The following TTC28 variants were observed in gnomAD, a reference collection of about 807,000 sequenced individuals.
TTC28 encodes tetratricopeptide repeat domain 28, also known as tetratricopeptide repeat protein 28.
TTC28 carries 61 observed loss-of-function variants against 198.0 expected under a neutral mutation model. The observed-to-expected ratio is 0.31, with a 90% CI of 0.25 to 0.38. The LOEUF is 0.38. Among genes scored for constraint, TTC28 ranks in the 10% least tolerant of loss-of-function variants. The probability of loss-of-function intolerance (pLI) is 1.00; values close to 1 mark genes in which losing one functional copy is unlikely to be tolerated. For missense variants in TTC28, 2,678 were observed against 3,164.0 expected (o/e 0.85, Z 3.69); for synonymous variants, 1,171 against 1,297.8 (o/e 0.90, Z 2.10).
intron 2 of TTC28, among the ~76,000 whole-genome samples, chr22:28,342,631 G>A (rs753636326): frequency 2.6e-5 from 4 of 152,098 alleles, no homozygotes; most frequent in Non-Finnish European, 5.9e-5. Flanking sequence ...ACAAAAAACG[G>A]TGGTATATGA....
intron 12 of TTC28, among the ~76,000 whole-genome samples, chr22:28,084,642 C>T (rs913672597): frequency 1.1e-4 from 17 of 152,216 alleles, no homozygotes; most frequent in East Asian, 5.8e-4. Context: ...TCACCAGCAA[C>T]GGAACAAAGC....
intron 18 of TTC28, chr22:27,992,864 G>T: frequency 1.6e-6 from 1 of 614,468 alleles, no homozygotes; most frequent in Non-Finnish European, 2.8e-6. Context: ...AGTGGGTTGA[G>T]TCCTGACCCT....
chr22:28,028,843 A>G lies in TTC28; in HGVS notation c.4073+1383T>C, dbSNP rs561765483. On this transcript the variant is annotated intron_variant, in intron 13 of 22. Coordinates refer to ENST00000397906, the MANE Select transcript of TTC28 (RefSeq NM_001145418.2). ...TTTATACATTGGCTCCTTTATTCCC[A>G]CATTACAGGAACCCTGCAGGGTAAG... 17 of 365,078 alleles carry G rather than the reference A, an allele frequency of 4.7e-5. 1 individual carries two copies. The highest frequency in any genetic ancestry group is 3.5e-4 in the South Asian group (17 of 48,784). The allele number at this position is 365,078 out of a possible 1,614,324, so 22.6% of individuals were successfully genotyped here. A position where few individuals can be genotyped will look rare whatever the true frequency, so the allele number is the denominator to read the frequency against.
intron 2 of TTC28, among the ~76,000 whole-genome samples, chr22:28,311,109 T>C (rs2045248875): frequency 6.6e-6 from 1 of 152,040 alleles, no homozygotes. Flanking sequence ...ATATTTCAAA[T>C]TTGGAATTTG....
At chr22:28,010,105 G>C (rs1263913857) in intron 14 of TTC28, among the ~76,000 whole-genome samples, 1 of 152,200 alleles carries the variant, frequency 6.6e-6, no homozygotes, top group Non-Finnish European at 1.5e-5. Flanking sequence ...ACTGCAGCCT[G>C]TGGGCGGGTT....
At chr22:28,616,875 G>A (rs1435040257) in intron 2 of TTC28, among the ~76,000 whole-genome samples, 2 of 151,928 alleles carry the variant, frequency 1.3e-5, no homozygotes, top group African/African-American at 2.4e-5. Flanking sequence ...GTCATCAGGT[G>A]TAATCAGTGA....
chr22:28,071,378 T>C (rs1036547982), intron 12 of TTC28, among the ~76,000 whole-genome samples: 24 of 151,290 alleles, frequency 1.6e-4, no homozygotes, highest in African/African-American at 5.1e-4. Flanking sequence ...GTGGCACATA[T>C]ACACCATGGA....
chr22:28,079,511 C>T (rs1219896668), intron 12 of TTC28, among the ~76,000 whole-genome samples: 2 of 152,032 alleles, frequency 1.3e-5, no homozygotes, highest in Non-Finnish European at 2.9e-5. Context: ...CTCCCTTTTA[C>T]CCCTCCTACC....
Position 28,108,295 on chromosome 22 carries a change from T to C in TTC28, c.1550A>G (p.Tyr517Cys), listed in dbSNP as rs1210966837. The change falls in exon 7 of 23, where the codon TAT (tyrosine) becomes TGT (cysteine). Residue 517 changes from tyrosine (Y) to cysteine (C), a missense_variant. Around this residue, in one of 8 missense-constraint regions of TTC28, gnomAD observed 775 missense variants for 845.9 expected, o/e 0.92. Transcript: ENST00000397906. ...LSDYAAQGRAYGNMGNAYNAL... is the reference protein window; with the variant it reads ...LSDYAAQGRACGNMGNAYNAL... ...ATTGTAGGCATTGCCCATATTCCCA[T>C]AGGCACGGCCCTGGGCAGCATAATC... 7 of 1,545,134 alleles carry C rather than the reference T, an allele frequency of 4.5e-6. No homozygotes were observed. Among genetic ancestry groups the C allele is most frequent in the South Asian group, 2.4e-5 (2 of 83,606 alleles).
chr22:28,248,175 T>C (rs1930245687), intron 5 of TTC28, among the ~76,000 whole-genome samples: 2 of 152,182 alleles, frequency 1.3e-5, no homozygotes, highest in Admixed American at 1.3e-4. Flanking sequence ...GAAGTGTCCC[T>C]AATGGAAACA....
chr22:28,543,925 TAAAC>T (rs2145939866), intron 2 of TTC28, among the ~76,000 whole-genome samples: 1 of 152,288 alleles, frequency 6.6e-6, no homozygotes, highest in South Asian at 2.1e-4. Context: ...TCTCGAATGT[TAAAC>T]AAACCTTGTG....
At chr22:28,662,538 TGTAAA>T (rs2051765216) in intron 1 of TTC28, among the ~76,000 whole-genome samples, 2 of 152,206 alleles carry the variant, frequency 1.3e-5, no homozygotes, top group African/African-American at 4.8e-5. Context: ...AGTTAATATA[TGTAAA>T]GTATTTAAAC....
At chr22:28,621,921 C>T (rs1206023543) in intron 2 of TTC28, among the ~76,000 whole-genome samples, 1 of 152,068 alleles carries the variant, frequency 6.6e-6, no homozygotes, top group Non-Finnish European at 1.5e-5. Context: ...TCAAGAGAAT[C>T]ATTAAATCAC....
intron 2 of TTC28, among the ~76,000 whole-genome samples, chr22:28,440,145 C>T (rs1258767559): frequency 1.3e-5 from 2 of 152,140 alleles, no homozygotes; most frequent in Non-Finnish European, 2.9e-5. Context: ...CAGCTGTACA[C>T]ATTTAATTTA....
At chr22:28,183,010 C>A (rs1375732975) in intron 5 of TTC28, among the ~76,000 whole-genome samples, 1 of 151,530 alleles carries the variant, frequency 6.6e-6, no homozygotes. Flanking sequence ...CTCTTCAGAG[C>A]AGAATTTGAA....
chr22:28,536,513 A>ACTCG (rs1465955203), intron 2 of TTC28, among the ~76,000 whole-genome samples: 1 of 150,906 alleles, frequency 6.6e-6, no homozygotes, highest in Admixed American at 6.6e-5. Flanking sequence ...AGTCCCGGCT[A>ACTCG]CTCGCGAGGC....
intron 5 of TTC28, among the ~76,000 whole-genome samples, chr22:28,267,519 G>A (rs134197): frequency 0.07 from 10,597 of 152,204 alleles, 539 homozygotes; most frequent in Non-Finnish European, 0.097. Flanking sequence ...AGTCACTGCC[G>A]TCTTTTGATC....
In TTC28 at chr22:28,105,797, A is replaced by G; in HGVS notation, c.2789T>C (p.Met930Thr). 6.5e-7 allele frequency: 1 copy of G among 1,549,880 alleles called. No homozygotes were observed. The highest frequency in any genetic ancestry group is 8.7e-7 in the Non-Finnish European group (1 of 1,146,332). The change falls in exon 8 of 23, where the codon ATG becomes ACG. Residue 930 changes from methionine (M) to threonine (T), a missense_variant. This residue lies in a region of TTC28 where 775 missense variants were observed against 845.9 expected (regional missense o/e 0.92). Transcript: ENST00000397906. ...YRGLGNGHRAMGSLQQALVCF... is the reference protein window; with the variant it reads ...YRGLGNGHRATGSLQQALVCF... ...CACAAGGGCTTGCTGCAAGCTCCCC[A>G]TTGCCCTGTGGGGATGTAGACAGAA...
intron 2 of TTC28, among the ~76,000 whole-genome samples, chr22:28,531,406 A>G (rs2049136466): frequency 6.6e-6 from 1 of 152,206 alleles, no homozygotes; most frequent in Non-Finnish European, 1.5e-5. Context: ...CAAATTCATA[A>G]AGCAAGTCCT....
Sources: gnomAD v4.1 joint callset for allele counts (sites outside exome capture counted in the v4.1 genomes callset) on GRCh38, gnomAD v4.1.1 for gene constraint, gnomAD v4.1.1 regional missense constraint, MANE v1.5 for transcripts, NCBI Gene and HGNC (gene_info 2026-07-23, HGNC 2026-07-21) for gene names.